The following BCAR1 variants were observed in gnomAD, a reference collection of about 807,000 sequenced individuals.
BCAR1 encodes the protein breast cancer anti-estrogen resistance protein 1.
BCAR1 carries 30 observed loss-of-function variants against 67.6 expected under a neutral mutation model. That is an observed-to-expected ratio of 0.44 (90% CI 0.33 to 0.60). The LOEUF (loss-of-function observed/expected upper bound fraction) is 0.60, where lower values mean the gene tolerates loss of function less well. Among genes scored for constraint, BCAR1 ranks in the 20% least tolerant of loss-of-function variants. The pLI is 0.02. For missense variants in BCAR1, 1,313 were observed against 1,222.3 expected (o/e 1.07, Z -1.11); for synonymous variants, 626 against 556.7 (o/e 1.12, Z -1.75).
At chr16:75,241,635 TG>T (rs2077345300) in intron 2 of BCAR1, among the ~76,000 whole-genome samples, 1 of 152,198 alleles carries the variant, frequency 6.6e-6, no homozygotes, top group African/African-American at 2.4e-5. Context: ...CCCATGTCCA[TG>T]GAGTCCCCCA....
chr16:75,237,433 G>A, intron 2 of BCAR1, 89 bp from the exon 3 acceptor site: 2 of 1,372,204 alleles, frequency 1.5e-6, no homozygotes, highest in Admixed American at 3.6e-5. Flanking sequence ...CCTTTTAGGA[G>A]GTGGGCAGGG....
chr16:75,260,006 C>T lies in BCAR1; in HGVS notation c.66+7909G>A, dbSNP rs150843449. ...GTCAGGAGTTCGAAACCAGTCTGGC[C>T]AACATGGTGAAACCCTGTCTCTACT... On this transcript the variant is annotated intron_variant, in intron 1 of 6. Coordinates refer to the BCAR1 transcript ENST00000393422. 3.4e-3 allele frequency among the ~76,000 whole-genome samples: 523 copies of T among 152,134 alleles called. 3 individuals are homozygous for T. The highest frequency in any genetic ancestry group is 0.012 in the African/African-American group (501 of 41,488).
In BCAR1 at chr16:75,234,949, A is replaced by G; in HGVS notation, c.1950T>C (p.Asp650=). The stretch of plus-strand genomic sequence containing the variant: ...CCCCCTCGCTGTTCTCGTACTGCCC[A>G]TCTGGCGAGTCCTGGGAGGTGAACT... ...PPKFTSQDSP[D]GQYENSEGGW... The change falls in exon 5 of 7, where the codon GAT becomes GAC. Residue 650 remains aspartate (D), a synonymous_variant. Coordinates refer to ENST00000162330, the MANE Select transcript of BCAR1 (RefSeq NM_014567.5). 2 of 1,584,396 alleles carry G rather than the reference A, an allele frequency of 1.3e-6. No individual in the cohort carries two copies. The highest frequency in any genetic ancestry group is 1.7e-6 in the Non-Finnish European group (2 of 1,160,650).
intron 1 of BCAR1, 71 bp from the exon 2 acceptor site, chr16:75,243,161 C>CAGGG: frequency 2.0e-6 from 3 of 1,469,384 alleles, no homozygotes; most frequent in Non-Finnish European, 2.8e-6. Context: ...CCAGCTCCTG[C>CAGGG]CCTGCTCTGG....
At chr16:75,260,053 G>C (rs922352106) in intron 1 of BCAR1, among the ~76,000 whole-genome samples, 1 of 150,820 alleles carries the variant, frequency 6.6e-6, no homozygotes, top group Non-Finnish European at 1.5e-5. Context: ...AATTAGCTGG[G>C]AATAGTGGTG....
chr16:75,235,908 G>C lies in BCAR1; in HGVS notation c.991C>G (p.Pro331Ala). The change falls in exon 5 of 7, where the codon CCC (proline) becomes GCC (alanine). Residue 331 changes from proline to alanine, a missense_variant. This residue lies in a region of BCAR1 where 1,272 missense variants were observed against 1,137.5 expected (regional missense o/e 1.12). Transcript: ENST00000162330. The stretch of plus-strand genomic sequence containing the variant: ...AAGGGCTTGGCCTTGGCGAAGGCGG[G>C]GGGCACATCGTAGGTCTCCTCACGC... ...LLREETYDVP[P>A]AFAKAKPFDP... 6.4e-7 allele frequency: 1 copy of C among 1,565,840 alleles called. No homozygotes were observed. Among genetic ancestry groups the C allele is most frequent in the Non-Finnish European group, 8.7e-7 (1 of 1,155,546 alleles).
chr16:75,250,950 C>T, intron 1 of BCAR1: 1 of 985,426 alleles, frequency 1.0e-6, no homozygotes, highest in Non-Finnish European at 1.2e-6. Flanking sequence ...GAATCATTAA[C>T]TGGAGCCGGG....
At chr16:75,266,864 A>G (rs2078016986) in intron 1 of BCAR1, 3 of 1,157,200 alleles carry the variant, frequency 2.6e-6, no homozygotes, top group Non-Finnish European at 3.3e-6. Context: ...AGCCAGCTCC[A>G]TGAGGCTGGT....
intron 1 of BCAR1, among the ~76,000 whole-genome samples, chr16:75,259,892 C>T (rs542066573): frequency 1.2e-4 from 18 of 148,500 alleles, no homozygotes; most frequent in Admixed American, 9.5e-4. Context: ...CCAATATGCT[C>T]GAGGAATAAA....
At chr16:75,266,007 T>C (rs2078003267) in intron 1 of BCAR1, 1 of 1,030,400 alleles carries the variant, frequency 9.7e-7, no homozygotes, top group Admixed American at 5.7e-5. Flanking sequence ...GCGCCGCGCA[T>C]GCGCCGCCCG....
chr16:75,247,878 C>G, intron 1 of BCAR1: 1 of 654,024 alleles, frequency 1.5e-6, no homozygotes, highest in South Asian at 1.8e-5. Context: ...AACTCCTGTT[C>G]TCTGCCCAAG....
upstream of BCAR1, among the ~76,000 whole-genome samples, chr16:75,253,378 G>A (rs2077715085): frequency 6.6e-6 from 1 of 152,194 alleles, no homozygotes. Flanking sequence ...TGCTGGCAGG[G>A]CCCCAGGCAG....
intron 1 of BCAR1, among the ~76,000 whole-genome samples, chr16:75,250,374 C>T (rs1257883453): frequency 6.6e-6 from 1 of 152,182 alleles, no homozygotes; most frequent in Admixed American, 6.5e-5. Context: ...AACTCTCCAC[C>T]GAGGGAAAGG....
At chr16:75,264,690 C>T in intron 1 of BCAR1, 2 of 1,236,078 alleles carry the variant, frequency 1.6e-6, no homozygotes, top group Non-Finnish European at 2.0e-6. Flanking sequence ...CAGCTTCCCT[C>T]TGGTCATCTG....
At chr16:75,250,538 G>A (rs2077647775) in intron 1 of BCAR1, 5 of 717,632 alleles carry the variant, frequency 7.0e-6, no homozygotes, top group African/African-American at 1.9e-5. Flanking sequence ...ACTCTCAGGA[G>A]GGAACGGGAG....
At chr16:75,255,493 C>T (rs555965845), upstream of BCAR1, among the ~76,000 whole-genome samples, 11 of 152,194 alleles carry the variant, frequency 7.2e-5, no homozygotes, top group South Asian at 1.5e-3. Context: ...TTTAGGAGGT[C>T]GAGACTAGCC....
chr16:75,266,814 C>T lies in BCAR1; in HGVS notation c.66+1101G>A, dbSNP rs768484463. 6 of 1,362,868 alleles carry T rather than the reference C, an allele frequency of 4.4e-6. No individual in the cohort carries two copies. In the South Asian group the frequency reaches 1.1e-4, roughly 25 times the overall value. The allele number at this position is 1,362,868 out of a possible 1,614,324, so 84.4% of individuals were successfully genotyped here. A position where few individuals can be genotyped will look rare whatever the true frequency, so the allele number is the denominator to read the frequency against. On this transcript the variant is annotated intron_variant, in intron 1 of 6. Coordinates refer to the BCAR1 transcript ENST00000393422. The stretch of plus-strand genomic sequence containing the variant: ...GTGGGGCTGGGGTCCAGAGCACTGT[C>T]CCGGAGGTCAGCGCTGCCCACCCCA...
In BCAR1 at chr16:75,234,884, C is replaced by A. The variant is rs1209586050; in HGVS notation, c.2010+5G>T. 6.6e-7 allele frequency: 1 copy of A among 1,524,184 alleles called. No individual in the cohort carries two copies. 94.4% of individuals were successfully genotyped at this position (1,524,184 alleles called of 1,614,324 possible). The stretch of plus-strand genomic sequence containing the variant: ...AGGAGCCGGGGCTGGGCAGGCGGCA[C>A]CCACCTGTAGGTGGACGTAGTCATA... On this transcript the variant is annotated splice_donor_5th_base_variant and intron_variant, in intron 5 of 6. Coordinates refer to ENST00000162330, the MANE Select transcript of BCAR1 (RefSeq NM_014567.5).
At chr16:75,266,763 G>A (rs1394538926) in intron 1 of BCAR1, 4 of 1,454,836 alleles carry the variant, frequency 2.7e-6, no homozygotes, top group Non-Finnish European at 3.7e-6. Flanking sequence ...TGCTTCCTGG[G>A]GACGGTGGGT....
Sources: gnomAD v4.1 joint callset for allele counts (sites outside exome capture counted in the v4.1 genomes callset) on GRCh38, gnomAD v4.1.1 for gene constraint, gnomAD v4.1.1 regional missense constraint, MANE v1.5 for transcripts, NCBI Gene and HGNC (gene_info 2026-07-23, HGNC 2026-07-21) for gene names.